Variants in LRRC28 observed in about 807,000 individuals in gnomAD.
LRRC28 encodes leucine rich repeat containing 28.
Under a neutral mutation model 45.7 loss-of-function variants are expected in LRRC28, and 39 were observed. The observed-to-expected ratio is 0.85, with a 90% CI of 0.66 to 1.12. LRRC28 has a LOEUF of 1.12. LRRC28 is among the 50% of genes most tolerant of loss of function. LRRC28 has a pLI of 0.00. For missense variants in LRRC28, 435 were observed against 438.5 expected (o/e 0.99, Z 0.07); for synonymous variants, 206 against 178.8 (o/e 1.15, Z -1.22).
chr15:99,383,485 G>A (rs1957891050), intron 9 of LRRC28, among the ~76,000 whole-genome samples: 1 of 152,200 alleles, frequency 6.6e-6, no homozygotes, highest in Non-Finnish European at 1.5e-5. Context: ...AGAACCAGAA[G>A]TTCCACCTAA....
At position 99,387,182 on chromosome 15, in the gene LRRC28, TC is replaced by T. The variant is rs1310748462; in HGVS notation, c.*1083del. On this transcript the variant is annotated 3_prime_UTR_variant, in exon 10 of 10. Transcript: ENST00000301981. ...TTCACGCCATTCTCCTGCCTCAGCC[TC>T]CCAAGTAGCTGGGACCACAGGCGCC... 2.1e-5 allele frequency: 3 copies of T among 146,192 alleles called. No homozygotes were observed. The highest frequency in any genetic ancestry group is 3.0e-5 in the Non-Finnish European group (2 of 66,210). 9.1% of individuals were successfully genotyped at this position (146,192 alleles called of 1,614,324 possible).
chr15:99,383,570 C>A (rs1957893941), intron 9 of LRRC28, among the ~76,000 whole-genome samples: 1 of 152,184 alleles, frequency 6.6e-6, no homozygotes, highest in Non-Finnish European at 1.5e-5. Context: ...GTTCTGGATA[C>A]AACTCTTCTT....
intron 9 of LRRC28, among the ~76,000 whole-genome samples, chr15:99,378,207 C>G (rs1459539082): frequency 6.6e-6 from 1 of 152,162 alleles, no homozygotes; most frequent in Admixed American, 6.5e-5. Context: ...TTTGTGTCCT[C>G]TTTTATTTCG....
In LRRC28 at chr15:99,352,438, C is replaced by G; in HGVS notation, c.662C>G (p.Ser221Cys). Residue 221 changes from serine to cysteine, a missense_variant, in exon 7 of 10, where the codon TCT (serine) becomes TGT (cysteine). Coordinates refer to ENST00000301981, the MANE Select transcript of LRRC28 (RefSeq NM_144598.5). ...DNNIHLKGLP[S>C]YLYNKVIGCS... is the part of the protein sequence containing the mutation. The stretch of plus-strand genomic sequence containing the variant: ...AACATTCACCTGAAAGGCTTGCCAT[C>G]TTATCTGTACAATAAAGTCATCGGG... 1 of 1,613,990 alleles carries G rather than the reference C, an allele frequency of 6.2e-7. No homozygotes were observed. The highest frequency in any genetic ancestry group is 8.5e-7 in the Non-Finnish European group (1 of 1,179,950).
At chr15:99,385,618 G>T (rs1445303396) in intron 9 of LRRC28, among the ~76,000 whole-genome samples, 1 of 152,182 alleles carries the variant, frequency 6.6e-6, no homozygotes, top group Non-Finnish European at 1.5e-5. Context: ...AAGCTCTGTG[G>T]TATATATGTG....
chr15:99,347,848 C>T (rs1567684176), intron 6 of LRRC28, among the ~76,000 whole-genome samples: 1 of 152,254 alleles, frequency 6.6e-6, no homozygotes, highest in South Asian at 2.1e-4. Context: ...TCTTTAGGAA[C>T]CTCCATACTG....
intron 5 of LRRC28, among the ~76,000 whole-genome samples, chr15:99,306,851 A>G (rs1385059395): frequency 6.6e-6 from 1 of 152,196 alleles, no homozygotes; most frequent in Non-Finnish European, 1.5e-5. Flanking sequence ...GTGTTTGAGC[A>G]CGGGCTGCTT....
intron 1 of LRRC28, among the ~76,000 whole-genome samples, chr15:99,252,998 A>T (rs2080894489): frequency 6.6e-6 from 1 of 152,210 alleles, no homozygotes; most frequent in Admixed American, 6.5e-5. Flanking sequence ...TTTTGGCTTT[A>T]TTGACAATAG....
At chr15:99,253,986 A>G (rs1298120436) in intron 1 of LRRC28, among the ~76,000 whole-genome samples, 1 of 152,206 alleles carries the variant, frequency 6.6e-6, no homozygotes, top group Non-Finnish European at 1.5e-5. Flanking sequence ...GAGATGGGAA[A>G]AACTGTGGAG....
intron 6 of LRRC28, among the ~76,000 whole-genome samples, chr15:99,339,324 A>C (rs1278269174): frequency 6.6e-6 from 1 of 152,242 alleles, no homozygotes; most frequent in Non-Finnish European, 1.5e-5. Context: ...AGCTCCCAGG[A>C]AATGCCACGT....
intron 5 of LRRC28, among the ~76,000 whole-genome samples, chr15:99,314,248 C>T (rs947418524): frequency 6.6e-6 from 1 of 151,962 alleles, no homozygotes. Context: ...AGTTTGAGAT[C>T]AGCCTGGGGA....
intron 2 of LRRC28, chr15:99,259,514 G>C: frequency 8.5e-7 from 1 of 1,175,604 alleles, no homozygotes. Flanking sequence ...GATTGAAAAG[G>C]CTATGGTATC....
At chr15:99,291,296 T>C (rs1363590185) in intron 5 of LRRC28, among the ~76,000 whole-genome samples, 1 of 152,226 alleles carries the variant, frequency 6.6e-6, no homozygotes, top group Non-Finnish European at 1.5e-5. Flanking sequence ...ATTATATACC[T>C]TAATAGTTAT....
At chr15:99,327,361 G>T (rs900660617) in intron 5 of LRRC28, among the ~76,000 whole-genome samples, 2 of 152,156 alleles carry the variant, frequency 1.3e-5, no homozygotes, top group African/African-American at 4.8e-5. Flanking sequence ...GAGCCACTGT[G>T]CCAGGCTACT....
At chr15:99,385,976 A>G in intron 9 of LRRC28, 54 bp from the exon 10 acceptor site, 4 of 1,516,796 alleles carry the variant, frequency 2.6e-6, no homozygotes, top group Non-Finnish European at 2.7e-6. Flanking sequence ...AGAAAGAATC[A>G]GAGACTTTAA....
intron 2 of LRRC28, among the ~76,000 whole-genome samples, chr15:99,266,528 C>T (rs1169173201): frequency 1.3e-5 from 2 of 151,892 alleles, no homozygotes; most frequent in East Asian, 3.9e-4. Flanking sequence ...GTGTTGGAGA[C>T]AGTTAGGAGA....
intron 2 of LRRC28, among the ~76,000 whole-genome samples, chr15:99,263,025 G>T (rs1006862112): frequency 6.6e-6 from 1 of 151,772 alleles, no homozygotes; most frequent in Non-Finnish European, 1.5e-5. Context: ...AAGTAGTTGT[G>T]GGGGCCGGGT....
At chr15:99,329,342 G>C (rs549922721) in intron 5 of LRRC28, among the ~76,000 whole-genome samples, 1 of 152,282 alleles carries the variant, frequency 6.6e-6, no homozygotes, top group South Asian at 2.1e-4. Flanking sequence ...AGTGGAGAGA[G>C]TTTTGAAGAT....
At chr15:99,260,598 C>A (rs186235807) in intron 2 of LRRC28, among the ~76,000 whole-genome samples, 1 of 152,176 alleles carries the variant, frequency 6.6e-6, no homozygotes, top group African/African-American at 2.4e-5. Context: ...CCACCCATTG[C>A]CTGATTATAT....
Sources: gnomAD v4.1 joint callset for allele counts (sites outside exome capture counted in the v4.1 genomes callset) on GRCh38, gnomAD v4.1.1 for gene constraint, MANE v1.5 for transcripts, NCBI Gene and HGNC (gene_info 2026-07-23, HGNC 2026-07-21) for gene names.